FER1L6: variants seen among roughly 807,000 people sequenced by gnomAD.
FER1L6 encodes the protein fer-1-like protein 6.
Under a neutral mutation model 219.2 loss-of-function variants are expected in FER1L6, and 177 were observed. The ratio of observed to expected loss-of-function variants is 0.81; its 90% CI spans 0.71 to 0.91. The LOEUF (loss-of-function observed/expected upper bound fraction) is 0.91, where lower values mean the gene tolerates loss of function less well. FER1L6 is among the 40% of genes least tolerant of loss of function. FER1L6 has a pLI of 0.00. For missense variants in FER1L6, 2,153 were observed against 2,259.9 expected (o/e 0.95, Z 0.96); for synonymous variants, 768 against 824.3 (o/e 0.93, Z 1.17).
At chr8:124,116,674 C>G (rs1302099173) in intron 39 of FER1L6, among the ~76,000 whole-genome samples, 2 of 152,220 alleles carry the variant, frequency 1.3e-5, no homozygotes, top group Non-Finnish European at 2.9e-5. Context: ...ATTCTCTCTT[C>G]CAAGCATTCT....
At chr8:123,991,963 C>T (rs1334592848) in intron 12 of FER1L6, among the ~76,000 whole-genome samples, 4 of 151,920 alleles carry the variant, frequency 2.6e-5, no homozygotes, top group Non-Finnish European at 4.4e-5. Context: ...TTGAGATGAT[C>T]ATATGGTTTT....
In FER1L6 at chr8:123,852,480, G is replaced by A. The variant is rs1373710599; in HGVS notation, c.-8+295G>A. On this transcript the variant is annotated intron_variant, in intron 1 of 40. Transcript: ENST00000522917. The surrounding 1 kb of genome is among the most constrained non-coding windows in gnomAD (Gnocchi z 4.9). Reference sequence around the variant, plus strand: ...CCATGTTGTGAGCATGCGTGTGTGTGTGTGTGTGTGTGTGTGTGTGTGTGT... The same window carrying A: ...CCATGTTGTGAGCATGCGTGTGTGTATGTGTGTGTGTGTGTGTGTGTGTGT... Among the ~76,000 whole-genome samples, 1 of 93,412 alleles carries A rather than the reference G, an allele frequency of 1.1e-5. No homozygotes were observed. The highest frequency in any genetic ancestry group is 2.5e-5 in the Non-Finnish European group (1 of 39,674). The allele number at this position is 93,412 out of a possible 152,430, so 61.3% of individuals were successfully genotyped here. A position where few individuals can be genotyped will look rare whatever the true frequency, so the allele number is the denominator to read the frequency against.
At chr8:123,870,530 T>C (rs1297530020) in intron 1 of FER1L6, among the ~76,000 whole-genome samples, 3 of 152,208 alleles carry the variant, frequency 2.0e-5, no homozygotes, top group Non-Finnish European at 4.4e-5. Context: ...CTTCAATGCA[T>C]ATTGCCAAGT....
At chr8:123,941,520 A>C (rs28654582) in intron 1 of FER1L6, among the ~76,000 whole-genome samples, 3 of 151,904 alleles carry the variant, frequency 2.0e-5, no homozygotes, top group Admixed American at 2.0e-4. Context: ...GAGAGATTTG[A>C]GTACAGGGTG....
At chr8:124,024,566 A>T (rs1228875269) in intron 18 of FER1L6, among the ~76,000 whole-genome samples, 1 of 152,192 alleles carries the variant, frequency 6.6e-6, no homozygotes, top group Non-Finnish European at 1.5e-5. Context: ...GTCATATTTC[A>T]TGGTGTATAT....
chr8:123,886,295 G>T (rs1817201293), intron 1 of FER1L6, among the ~76,000 whole-genome samples: 1 of 152,142 alleles, frequency 6.6e-6, no homozygotes, highest in Non-Finnish European at 1.5e-5. Context: ...CTAGTGGAAG[G>T]TGTTTGGGTT....
rs994690186 is a variant in FER1L6, at chr8:123,974,659, C to CAAAAAAAAAAAAAAAAAAAAAAAAAA, written c.527-468_527-467insAAAAAAAAAAAAAAAAAAAAAAAAAA. On this transcript the variant is annotated intron_variant, in intron 7 of 40. Transcript: ENST00000522917. ...CAGGCATCACAGCGAGACTCTGTCT[C>CAAAAAAAAAAAAAAAAAAAAAAAAAA]AAAAAAAAAAAAAAAAAAAAAAAGA... 3.5e-3 allele frequency among the ~76,000 whole-genome samples: 165 copies of CAAAAAAAAAAAAAAAAAAAAAAAAAA among 47,756 alleles called. 7 individuals carry two copies. The highest frequency in any genetic ancestry group is 5.0e-3 in the Non-Finnish European group (111 of 22,380). The allele number at this position is 47,756 out of a possible 152,430, so 31.3% of individuals were successfully genotyped here.
chr8:124,016,436 G>T (rs1212988404), intron 15 of FER1L6, among the ~76,000 whole-genome samples: 1 of 151,738 alleles, frequency 6.6e-6, no homozygotes, highest in African/African-American at 2.4e-5. Context: ...TTCATCAGAA[G>T]TGCTCATCAC....
At position 124,103,323 on chromosome 8, in the gene FER1L6, A is replaced by G; in HGVS notation, c.5289+14A>G. 1 of 1,609,864 alleles carries G rather than the reference A, an allele frequency of 6.2e-7. No homozygotes were observed. The highest frequency in any genetic ancestry group is 1.3e-5 in the African/African-American group (1 of 74,916). ...AAAGAACTCACAGTAAGTGACAGCTATGGGAGGTGGAGGAGATGGGGGAAG... is the reference window on the plus strand; with the variant it reads ...AAAGAACTCACAGTAAGTGACAGCTGTGGGAGGTGGAGGAGATGGGGGAAG... On this transcript the variant is annotated intron_variant, in intron 39 of 40. Coordinates refer to ENST00000522917, the MANE Select transcript of FER1L6 (RefSeq NM_001039112.2).
At position 124,064,582 on chromosome 8, in the gene FER1L6, A is replaced by G. The variant is rs368181314; in HGVS notation, c.3555+9A>G. 23 of 1,608,948 alleles carry G rather than the reference A, an allele frequency of 1.4e-5. No homozygotes were observed. The African/African-American group carries it at 2.1e-4, about 15-fold the overall frequency. On this transcript the variant is annotated intron_variant, in intron 26 of 40. Transcript: ENST00000522917. The stretch of plus-strand genomic sequence containing the variant: ...AAGATGGAAAACCTAAGGTCAGACT[A>G]AAATCCCTCTCTATATTTACAAGGC...
In FER1L6 at chr8:124,017,699, C is replaced by G. The variant is rs367553708; in HGVS notation, c.1994C>G (p.Thr665Arg). ...ACCACTTTAGATAAGAAGCGACTTA[C>G]GCTCTGCTGGCAGGAGCTGGTATGT... ...NQTTLDKKRLTLCWQELEAMC... is the reference protein window; with the variant it reads ...NQTTLDKKRLRLCWQELEAMC... The change falls in exon 16 of 41, where the codon ACG (threonine) becomes AGG (arginine). Residue 665 changes from threonine (T) to arginine (R), a missense_variant. By Grantham distance (71) the Thr-to-Arg change is moderately conservative (BLOSUM62 -1). Transcript: ENST00000522917. 13 of 1,613,340 alleles carry G rather than the reference C, an allele frequency of 8.1e-6. No homozygotes were observed. The highest frequency in any genetic ancestry group is 2.7e-5 in the African/African-American group (2 of 74,888).
chr8:123,978,609 A>G (rs1816194488), intron 10 of FER1L6, among the ~76,000 whole-genome samples: 1 of 152,212 alleles, frequency 6.6e-6, no homozygotes, highest in Non-Finnish European at 1.5e-5. Flanking sequence ...TTGCATACAT[A>G]CATGCACATG....
chr8:123,964,525 T>G (rs571130076), intron 3 of FER1L6, among the ~76,000 whole-genome samples: 1 of 152,282 alleles, frequency 6.6e-6, no homozygotes, highest in African/African-American at 2.4e-5. Flanking sequence ...ACCTACTCAC[T>G]GCAATATCTC....
chr8:124,117,703 C>T (rs1823305862), intron 39 of FER1L6, among the ~76,000 whole-genome samples: 1 of 152,130 alleles, frequency 6.6e-6, no homozygotes, highest in Non-Finnish European at 1.5e-5. Flanking sequence ...TCAACCTTAC[C>T]CCATGTATTC....
intron 39 of FER1L6, among the ~76,000 whole-genome samples, chr8:124,105,153 C>T (rs1260047784): frequency 1.3e-5 from 2 of 152,212 alleles, no homozygotes; most frequent in African/African-American, 4.8e-5. Flanking sequence ...TAAGTTGAAA[C>T]TTGATGAATG....
intron 1 of FER1L6, among the ~76,000 whole-genome samples, chr8:123,955,761 C>T (rs1003265865): frequency 2.6e-5 from 4 of 152,152 alleles, no homozygotes; most frequent in Admixed American, 6.5e-5. Context: ...ACGTGCAATT[C>T]CAGGTGGACC....
At position 124,103,259 on chromosome 8, in the gene FER1L6, C is replaced by A; in HGVS notation, c.5239C>A (p.Gln1747Lys). 6.2e-7 allele frequency: 1 copy of A among 1,614,048 alleles called. No homozygotes were observed. The highest frequency in any genetic ancestry group is 8.5e-7 in the Non-Finnish European group (1 of 1,179,958). The change falls in exon 39 of 41, where the codon CAA becomes AAA. Residue 1747 changes from glutamine (Q) to lysine (K), a missense_variant. Coordinates refer to ENST00000522917, the MANE Select transcript of FER1L6 (RefSeq NM_001039112.2). ...GGAGACCAAGATCTCTATATTCCAG[C>A]AAAAACGTGTGCGTGGCTGGTGGCC... ...SEETKISIFQ[Q>K]KRVRGWWPFS...
At chr8:123,969,154 C>T (rs1252913298) in intron 5 of FER1L6, among the ~76,000 whole-genome samples, 1 of 152,164 alleles carries the variant, frequency 6.6e-6, no homozygotes, top group African/African-American at 2.4e-5. Context: ...ACAATAACTA[C>T]CAATAGGAAT....
At chr8:123,982,320 T>C (rs1275783682) in intron 11 of FER1L6, among the ~76,000 whole-genome samples, 1 of 151,958 alleles carries the variant, frequency 6.6e-6, no homozygotes, top group African/African-American at 2.4e-5. Context: ...GCTAGAAAAA[T>C]ATTTTCTTCA....
Sources: gnomAD v4.1 joint callset for allele counts (sites outside exome capture counted in the v4.1 genomes callset) on GRCh38, gnomAD v4.1.1 for gene constraint, Gnocchi (gnomAD v3.1) non-coding constraint, MANE v1.5 for transcripts, NCBI Gene and HGNC (gene_info 2026-07-23, HGNC 2026-07-21) for gene names.